The following PTPRD variants were observed in gnomAD, a reference collection of about 807,000 sequenced individuals.
The protein encoded by PTPRD is receptor-type tyrosine-protein phosphatase delta.
Under a neutral mutation model 214.5 loss-of-function variants are expected in PTPRD, and 34 were observed. That is an observed-to-expected ratio of 0.16 (90% CI 0.12 to 0.21). PTPRD has a LOEUF of 0.21. Among genes scored for constraint, PTPRD ranks in the 10% least tolerant of loss-of-function variants. PTPRD has a pLI of 1.00. For synonymous variants in PTPRD, 1,128 were observed against 845.7 expected, an observed-to-expected ratio of 1.33 and a Z score of -5.79; for missense variants, 2,545 against 2,398.7, an observed-to-expected ratio of 1.06 and a Z score of -1.27.
intron 3 of PTPRD, among the ~76,000 whole-genome samples, chr9:10,225,694 A>G (rs1477333046): frequency 1.3e-5 from 2 of 152,056 alleles, no homozygotes; most frequent in Non-Finnish European, 2.9e-5. Context: ...TTATTCATTA[A>G]CTGTCGTATT....
intron 9 of PTPRD, among the ~76,000 whole-genome samples, chr9:9,348,985 T>C (rs1293586443): frequency 6.6e-6 from 1 of 152,144 alleles, no homozygotes; most frequent in African/African-American, 2.4e-5. Flanking sequence ...GTTATTGGTA[T>C]CTATGTATAT....
intron 10 of PTPRD, among the ~76,000 whole-genome samples, chr9:9,179,497 C>A (rs12344847): frequency 2.6e-5 from 4 of 152,056 alleles, no homozygotes; most frequent in Middle Eastern, 3.2e-3. Context: ...CAAAATGCTA[C>A]GAACCACTAG....
chr9:8,710,923 TTTGA>T (rs1462963313), intron 12 of PTPRD, among the ~76,000 whole-genome samples: 1 of 152,162 alleles, frequency 6.6e-6, no homozygotes, highest in Non-Finnish European at 1.5e-5. Flanking sequence ...TGGTAAGCAC[TTTGA>T]TTATCAAAAT....
chr9:8,386,728 A>G (rs1164118906), intron 37 of PTPRD, among the ~76,000 whole-genome samples: 1 of 152,210 alleles, frequency 6.6e-6, no homozygotes, highest in East Asian at 1.9e-4. Flanking sequence ...CCCTAGTTAT[A>G]ACATTGTTTT....
intron 14 of PTPRD, among the ~76,000 whole-genome samples, chr9:8,605,823 C>A (rs923881975): frequency 2.6e-5 from 4 of 152,186 alleles, no homozygotes; most frequent in Non-Finnish European, 5.9e-5. Flanking sequence ...TAAGCATACT[C>A]TACTTACTAG....
At chr9:9,422,745 G>A (rs1322486306) in intron 8 of PTPRD, among the ~76,000 whole-genome samples, 1 of 152,142 alleles carries the variant, frequency 6.6e-6, no homozygotes, top group Non-Finnish European at 1.5e-5. Flanking sequence ...GAGGGATTGA[G>A]ATCCTGACGA....
At chr9:8,473,672 C>T (rs1421559868) in intron 30 of PTPRD, among the ~76,000 whole-genome samples, 2 of 151,960 alleles carry the variant, frequency 1.3e-5, no homozygotes, top group African/African-American at 4.8e-5. Context: ...CTTTGAGTTG[C>T]CATTCTTGTA....
At chr9:8,850,669 A>G (rs1047730052) in intron 11 of PTPRD, among the ~76,000 whole-genome samples, 4 of 152,200 alleles carry the variant, frequency 2.6e-5, no homozygotes, top group Admixed American at 2.6e-4. Context: ...AGATCTTTTT[A>G]AAATAAGACA....
intron 7 of PTPRD, among the ~76,000 whole-genome samples, chr9:9,661,227 T>A (rs2096616416): frequency 6.6e-6 from 1 of 151,938 alleles, no homozygotes; most frequent in Admixed American, 6.6e-5. Context: ...TACATTCCAT[T>A]TTCTAATTAA....
intron 10 of PTPRD, among the ~76,000 whole-genome samples, chr9:9,023,219 G>A (rs2099575631): frequency 6.6e-6 from 1 of 152,158 alleles, no homozygotes; most frequent in African/African-American, 2.4e-5. Flanking sequence ...AGCTAAATGT[G>A]GGACTTGATA....
chr9:8,590,328 A>T lies in PTPRD; in HGVS notation c.352+42989T>A, dbSNP rs559914095. Among the ~76,000 whole-genome samples the T allele has an allele frequency of 3.9e-5, 6 of 152,274 alleles. No individual in the cohort carries two copies. The East Asian group carries it at 1.2e-3, about 29-fold the overall frequency. Reference sequence around the variant, plus strand: ...CAAGAATAATAATGACTTGTTCTGAACTAAGTTAATTACGTCTTCCAAGGT... The same window carrying T: ...CAAGAATAATAATGACTTGTTCTGATCTAAGTTAATTACGTCTTCCAAGGT... On this transcript the variant is annotated intron_variant, in intron 14 of 45. Coordinates refer to ENST00000381196, the MANE Select transcript of PTPRD (RefSeq NM_002839.4).
intron 9 of PTPRD, among the ~76,000 whole-genome samples, chr9:9,387,736 G>A (rs1321297790): frequency 6.6e-6 from 1 of 152,108 alleles, no homozygotes. Flanking sequence ...ATGGGATGGG[G>A]GCATGGCTCA....
At chr9:8,802,145 A>G (rs544386365) in intron 11 of PTPRD, among the ~76,000 whole-genome samples, 12 of 152,282 alleles carry the variant, frequency 7.9e-5, no homozygotes, top group African/African-American at 2.6e-4. Flanking sequence ...TGGTCCTTCC[A>G]TCCCCCCATA....
chr9:9,389,445 G>C (rs1437120111), intron 9 of PTPRD, among the ~76,000 whole-genome samples: 1 of 152,150 alleles, frequency 6.6e-6, no homozygotes, highest in Non-Finnish European at 1.5e-5. Context: ...GGGAGGCAGA[G>C]GTTGTGGTGA....
chr9:10,037,951 C>T (rs987939410), intron 3 of PTPRD, among the ~76,000 whole-genome samples: 1 of 152,070 alleles, frequency 6.6e-6, no homozygotes, highest in Admixed American at 6.6e-5. Flanking sequence ...AATTTCACTA[C>T]CTCTATTTCC....
intron 5 of PTPRD, among the ~76,000 whole-genome samples, chr9:9,869,983 T>C (rs1029100259): frequency 6.6e-6 from 1 of 152,070 alleles, no homozygotes; most frequent in African/African-American, 2.4e-5. Flanking sequence ...TATATATGTA[T>C]ACAAACATAA....
intron 5 of PTPRD, among the ~76,000 whole-genome samples, chr9:9,922,254 T>C (rs2082761171): frequency 6.6e-6 from 1 of 152,128 alleles, no homozygotes; most frequent in Non-Finnish European, 1.5e-5. Context: ...AGTGGGCAAT[T>C]ACCTCTTCAT....
At chr9:9,684,398 A>T (rs1458640989) in intron 7 of PTPRD, among the ~76,000 whole-genome samples, 1 of 151,658 alleles carries the variant, frequency 6.6e-6, no homozygotes, top group South Asian at 2.1e-4. Flanking sequence ...TTTGAACAAC[A>T]GATGTTAATT....
chr9:9,122,649 C>T (rs1441482855), intron 10 of PTPRD, among the ~76,000 whole-genome samples: 2 of 152,196 alleles, frequency 1.3e-5, no homozygotes, highest in Non-Finnish European at 2.9e-5. Flanking sequence ...CAGTACATGA[C>T]ATGAACATAT....
Sources: allele counts gnomAD v4.1 joint callset (sites outside exome capture counted in the v4.1 genomes callset), GRCh38; gene constraint gnomAD v4.1.1; transcripts MANE v1.5; gene names NCBI Gene and HGNC (gene_info 2026-07-23, HGNC 2026-07-21).